Variants in MKLN1 observed in about 807,000 individuals in gnomAD.
The protein encoded by MKLN1 is muskelin 1.
Under a neutral mutation model 99.0 loss-of-function variants are expected in MKLN1, and 18 were observed. That is an observed-to-expected ratio of 0.18 (90% CI 0.13 to 0.27). The LOEUF (loss-of-function observed/expected upper bound fraction) is 0.27, where lower values mean the gene tolerates loss of function less well. Ranked by LOEUF, MKLN1 falls within the 10% of genes least tolerant of loss-of-function variation. The pLI is 1.00. For synonymous variants in MKLN1, 288 were observed against 293.2 expected (o/e 0.98, Z 0.18); for missense variants, 621 against 875.9 (o/e 0.71, Z 3.67).
chr7:131,185,347 G>C (rs1796433281), intron 2 of MKLN1, among the ~76,000 whole-genome samples: 1 of 151,734 alleles, frequency 6.6e-6, no homozygotes, highest in Admixed American at 6.6e-5. Flanking sequence ...GGAGGCCAAG[G>C]TGGGCAGATC....
intron 1 of MKLN1, among the ~76,000 whole-genome samples, chr7:131,135,283 C>T (rs1408380529): frequency 1.3e-5 from 2 of 152,116 alleles, no homozygotes; most frequent in African/African-American, 2.4e-5. Context: ...CCACCACGCC[C>T]GGCTAATTTT....
chr7:131,301,312 C>T (rs1207522495), intron 3 of MKLN1, among the ~76,000 whole-genome samples: 2 of 152,182 alleles, frequency 1.3e-5, no homozygotes, highest in African/African-American at 2.4e-5. Flanking sequence ...GGATGAAACT[C>T]AGCCAAAGGC....
At chr7:131,282,834 T>C (rs1798071920) in intron 3 of MKLN1, among the ~76,000 whole-genome samples, 1 of 152,186 alleles carries the variant, frequency 6.6e-6, no homozygotes, top group South Asian at 2.1e-4. Context: ...TATTCTCAGA[T>C]GGTGGGGCAT....
At chr7:131,229,472 G>T (rs186964277) in intron 3 of MKLN1, among the ~76,000 whole-genome samples, 1 of 152,132 alleles carries the variant, frequency 6.6e-6, no homozygotes, top group Admixed American at 6.5e-5. Flanking sequence ...GCTTTGTTAC[G>T]TAGAGGAAGC....
Position 131,228,265 on chromosome 7 carries a change from G to A in MKLN1, c.-179+25291G>A, listed in dbSNP as rs181816514. ...TGTAGAGACAGGTTTCTGCCATGTTGCCTAGGCTGGTCTCAGCAATAGAAC... is the reference window on the plus strand; with the variant it reads ...TGTAGAGACAGGTTTCTGCCATGTTACCTAGGCTGGTCTCAGCAATAGAAC... On this transcript the variant is annotated intron_variant, in intron 3 of 7. Coordinates refer to the MKLN1 transcript ENST00000416992. 4.3e-3 allele frequency among the ~76,000 whole-genome samples: 653 copies of A among 152,248 alleles called. 2 individuals are homozygous for A. Among genetic ancestry groups the A allele is most frequent in the Non-Finnish European group, 7.0e-3 (473 of 68,026 alleles).
At chr7:131,325,134 CTT>C (rs888291206), upstream of MKLN1, among the ~76,000 whole-genome samples, 23 of 151,976 alleles carry the variant, frequency 1.5e-4, no homozygotes, top group African/African-American at 4.8e-4. Context: ...TACTGAACAT[CTT>C]TATTTGCTAG....
At chr7:131,362,619 G>A (rs538918520) in intron 1 of MKLN1, among the ~76,000 whole-genome samples, 8 of 151,844 alleles carry the variant, frequency 5.3e-5, no homozygotes, top group African/African-American at 1.4e-4. Context: ...TTTTTTTGTC[G>A]AGTCCAATTA....
At chr7:131,256,656 A>T (rs1391979752) in intron 3 of MKLN1, among the ~76,000 whole-genome samples, 3 of 152,240 alleles carry the variant, frequency 2.0e-5, no homozygotes, top group Non-Finnish European at 4.4e-5. Context: ...TGTCCTTTGC[A>T]GCAACTTGGA....
chr7:131,322,747 T>A (rs1798807422), intron 3 of MKLN1, among the ~76,000 whole-genome samples: 1 of 151,024 alleles, frequency 6.6e-6, no homozygotes, highest in South Asian at 2.1e-4. Context: ...ATTTTTTGTA[T>A]TTTTAGTAGA....
intron 15 of MKLN1, 118 bp downstream of exon 15, chr7:131,466,533 G>A (rs1334731473): frequency 3.2e-6 from 2 of 632,886 alleles, no homozygotes; most frequent in African/African-American, 3.8e-5. Context: ...TAAATGCCCT[G>A]TTATTCCACT....
chr7:131,292,095 A>C (rs1445124665), intron 3 of MKLN1, among the ~76,000 whole-genome samples: 1 of 152,240 alleles, frequency 6.6e-6, no homozygotes, highest in Non-Finnish European at 1.5e-5. Context: ...CAACAGAGCC[A>C]GGCCCTGTCT....
chr7:131,204,965 G>A (rs1796787141), intron 3 of MKLN1, among the ~76,000 whole-genome samples: 1 of 151,568 alleles, frequency 6.6e-6, no homozygotes, highest in South Asian at 2.1e-4. Flanking sequence ...GGGTGTGGTG[G>A]TGGGCACCTG....
intron 2 of MKLN1, among the ~76,000 whole-genome samples, chr7:131,155,566 G>A (rs1795950351): frequency 6.6e-6 from 1 of 151,846 alleles, no homozygotes. Context: ...TCCAAACATA[G>A]TTTAGGAAAT....
intron 3 of MKLN1, among the ~76,000 whole-genome samples, chr7:131,275,886 G>T (rs116846901): frequency 0.033 from 5,076 of 152,140 alleles, 192 homozygotes; most frequent in Admixed American, 0.1. Context: ...TACTCACCCC[G>T]TCACAAGTAA....
intron 3 of MKLN1, among the ~76,000 whole-genome samples, chr7:131,251,401 AG>A (rs1426168649): frequency 6.6e-6 from 1 of 152,120 alleles, no homozygotes; most frequent in Non-Finnish European, 1.5e-5. Context: ...ATTCACACAT[AG>A]GGGTTTTTGG....
At chr7:131,207,655 T>G (rs1796839011) in intron 3 of MKLN1, among the ~76,000 whole-genome samples, 1 of 152,162 alleles carries the variant, frequency 6.6e-6, no homozygotes, top group African/African-American at 2.4e-5. Context: ...CCAGATGTAC[T>G]AAAGGCTAGA....
At chr7:131,138,223 G>T (rs974726142) in intron 1 of MKLN1, among the ~76,000 whole-genome samples, 1 of 151,366 alleles carries the variant, frequency 6.6e-6, no homozygotes, top group Non-Finnish European at 1.5e-5. Context: ...GAGCCACTGC[G>T]CCTGGCCAGA....
intron 3 of MKLN1, among the ~76,000 whole-genome samples, chr7:131,229,854 G>A (rs1046710672): frequency 1.1e-4 from 17 of 152,108 alleles, no homozygotes; most frequent in Non-Finnish European, 1.6e-4. Context: ...ACACTTAGGC[G>A]GTGAATCTCT....
intron 2 of MKLN1, among the ~76,000 whole-genome samples, chr7:131,170,582 C>T (rs1796200817): frequency 6.6e-6 from 1 of 152,164 alleles, no homozygotes; most frequent in South Asian, 2.1e-4. Context: ...TTCCCCTTGG[C>T]TAGTTGGTGC....
Sources: allele counts gnomAD v4.1 joint callset (sites outside exome capture counted in the v4.1 genomes callset), GRCh38; gene constraint gnomAD v4.1.1; transcripts MANE v1.5; gene names NCBI Gene and HGNC (gene_info 2026-07-23, HGNC 2026-07-21).